PCOLCE2: variants seen among roughly 807,000 people sequenced by gnomAD.
The protein encoded by PCOLCE2 is procollagen C-proteinase enhancer 2.
Under a neutral mutation model 47.0 loss-of-function variants are expected in PCOLCE2, and 42 were observed. That is an observed-to-expected ratio of 0.89 (90% CI 0.70 to 1.16). The LOEUF is 1.16. Ranked by LOEUF, PCOLCE2 falls within the 50% of genes most tolerant of loss-of-function variation. The probability of loss-of-function intolerance (pLI) is 0.00; values close to 1 mark genes in which losing one functional copy is unlikely to be tolerated. For missense variants in PCOLCE2, 500 were observed against 526.1 expected, an observed-to-expected ratio of 0.95 and a Z score of 0.49; for synonymous variants, 169 against 191.7, an observed-to-expected ratio of 0.88 and a Z score of 0.98.
chr3:142,877,516 G>C (rs1933523613), intron 2 of PCOLCE2, among the ~76,000 whole-genome samples: 1 of 152,204 alleles, frequency 6.6e-6, no homozygotes, highest in Admixed American at 6.5e-5. Flanking sequence ...CATTTATTGA[G>C]TGCCTGCTTG....
At chr3:142,856,007 G>A (rs1280204906) in intron 2 of PCOLCE2, among the ~76,000 whole-genome samples, 1 of 152,208 alleles carries the variant, frequency 6.6e-6, no homozygotes, top group Non-Finnish European at 1.5e-5. Context: ...TCCTTACCCA[G>A]CACCTCTGTG....
chr3:142,880,133 T>G (rs1220579778), intron 2 of PCOLCE2, among the ~76,000 whole-genome samples: 1 of 151,834 alleles, frequency 6.6e-6, no homozygotes, highest in Admixed American at 6.6e-5. Context: ...TATACTCATT[T>G]TTACTATTCT....
chr3:142,879,836 G>C (rs942203528), intron 2 of PCOLCE2, among the ~76,000 whole-genome samples: 1 of 151,642 alleles, frequency 6.6e-6, no homozygotes, highest in African/African-American at 2.4e-5. Flanking sequence ...CAGGCGTGGT[G>C]GGGGGGCGCC....
intron 2 of PCOLCE2, among the ~76,000 whole-genome samples, chr3:142,853,301 G>GTCAC (rs1490931823): frequency 6.6e-6 from 1 of 151,966 alleles, no homozygotes; most frequent in Non-Finnish European, 1.5e-5. Flanking sequence ...CAGTTTCAAG[G>GTCAC]TCACTCCCTC....
chr3:142,819,722 T>G (rs1242666710), intron 8 of PCOLCE2, among the ~76,000 whole-genome samples: 1 of 152,190 alleles, frequency 6.6e-6, no homozygotes, highest in African/African-American at 2.4e-5. Flanking sequence ...CATGACTCAC[T>G]GCAGACTCGA....
At chr3:142,853,824 T>G (rs1202483552) in intron 2 of PCOLCE2, among the ~76,000 whole-genome samples, 1 of 152,230 alleles carries the variant, frequency 6.6e-6, no homozygotes, top group East Asian at 1.9e-4. Context: ...TTATATTGAT[T>G]TGGGGATTCA....
chr3:142,840,494 C>A (rs1467783569), intron 4 of PCOLCE2, among the ~76,000 whole-genome samples: 5 of 152,144 alleles, frequency 3.3e-5, no homozygotes, highest in Admixed American at 6.5e-5. Context: ...TTCCTATTAG[C>A]TAGAGAAGAC....
intron 2 of PCOLCE2, among the ~76,000 whole-genome samples, chr3:142,867,343 C>T (rs114591652): frequency 6.6e-6 from 1 of 152,142 alleles, no homozygotes; most frequent in Admixed American, 6.5e-5. Flanking sequence ...AGAAGAATAT[C>T]TTTGCAATCT....
chr3:142,858,185 C>T (rs1405516280), intron 2 of PCOLCE2, among the ~76,000 whole-genome samples: 4 of 152,196 alleles, frequency 2.6e-5, no homozygotes, highest in Non-Finnish European at 5.9e-5. Context: ...CCTTTGGTGC[C>T]TCCTCGGCAT....
chr3:142,874,324 T>C (rs1316009192), intron 2 of PCOLCE2, among the ~76,000 whole-genome samples: 2 of 152,234 alleles, frequency 1.3e-5, no homozygotes, highest in Non-Finnish European at 2.9e-5. Context: ...TCCGCCTGCC[T>C]TGGCCTCCCA....
Position 142,835,393 on chromosome 3 carries a change from G to T in PCOLCE2, c.710+3377C>A, listed in dbSNP as rs533603825. ...TTGATTTTTTCCTAATATCAATGAA[G>T]CTATGCCAATTTTCCTTCAATTAGT... On this transcript the variant is annotated intron_variant, in intron 5 of 8. Coordinates refer to ENST00000295992, the MANE Select transcript of PCOLCE2 (RefSeq NM_013363.4). Among the ~76,000 whole-genome samples the T allele has an allele frequency of 2.6e-5, 4 of 152,058 alleles. No individual in the cohort carries two copies. The South Asian group carries it at 8.3e-4, about 31-fold the overall frequency.
chr3:142,827,307 TGTGGTAGGCTTGGCAAG>T (rs761312094), intron 6 of PCOLCE2: 86 of 1,348,746 alleles, frequency 6.4e-5, no homozygotes, highest in Non-Finnish European at 9.1e-5. Flanking sequence ...GCCTTATATT[TGTGGTAGGCTTGGCAAG>T]CCTTCAAGAT....
chr3:142,869,480 A>T (rs1933342769), intron 2 of PCOLCE2, among the ~76,000 whole-genome samples: 1 of 152,208 alleles, frequency 6.6e-6, no homozygotes. Flanking sequence ...TACATTCTGT[A>T]GAAAATCTCC....
chr3:142,875,738 G>A (rs929962151), intron 2 of PCOLCE2, among the ~76,000 whole-genome samples: 1 of 152,080 alleles, frequency 6.6e-6, no homozygotes, highest in Non-Finnish European at 1.5e-5. Context: ...CTGCACCACA[G>A]TGCAGAGTTC....
chr3:142,842,552 A>G lies in PCOLCE2; in HGVS notation c.573+372T>C, dbSNP rs746283775. The stretch of plus-strand genomic sequence containing the variant: ...CGGGAGTTTGAGACCAGCCTGACCA[A>G]CATGGAGAAACTCTGTCTCTACTAA... On this transcript the variant is annotated intron_variant, in intron 4 of 8. Coordinates refer to ENST00000295992, the MANE Select transcript of PCOLCE2 (RefSeq NM_013363.4). This position sits in a 1 kb window ranked among gnomAD's most constrained non-coding sequence, Gnocchi z 4.1. Among the ~76,000 whole-genome samples the G allele has an allele frequency of 6.6e-6, 1 of 152,120 alleles. No individual in the cohort carries two copies. Among genetic ancestry groups the G allele is most frequent in the African/African-American group, 2.4e-5 (1 of 41,408 alleles).
intron 2 of PCOLCE2, among the ~76,000 whole-genome samples, chr3:142,874,662 G>C (rs992335071): frequency 5.9e-5 from 9 of 152,208 alleles, no homozygotes; most frequent in African/African-American, 1.9e-4. Flanking sequence ...CTGCCCAGAA[G>C]CAGGTGGATG....
intron 6 of PCOLCE2, chr3:142,827,545 A>G (rs1578029646): frequency 6.8e-7 from 1 of 1,476,140 alleles, no homozygotes; most frequent in African/African-American, 1.4e-5. Context: ...TCATACCCTC[A>G]GGCATGGTGC....
chr3:142,818,816 A>G (rs1936979994), intron 8 of PCOLCE2, among the ~76,000 whole-genome samples: 1 of 152,222 alleles, frequency 6.6e-6, no homozygotes, highest in Non-Finnish European at 1.5e-5. Flanking sequence ...CAGCTACGCT[A>G]ACACCAGGAA....
intron 5 of PCOLCE2, among the ~76,000 whole-genome samples, chr3:142,833,048 C>T (rs928767680): frequency 6.6e-6 from 1 of 152,158 alleles, no homozygotes; most frequent in Non-Finnish European, 1.5e-5. Flanking sequence ...CAGCCACTAC[C>T]CTGAATTTTG....
Sources: gnomAD v4.1 joint callset for allele counts (sites outside exome capture counted in the v4.1 genomes callset) on GRCh38, gnomAD v4.1.1 for gene constraint, Gnocchi (gnomAD v3.1) non-coding constraint, MANE v1.5 for transcripts, NCBI Gene and HGNC (gene_info 2026-07-23, HGNC 2026-07-21) for gene names.